The following NFE2L1 variants were observed in gnomAD, a reference collection of about 807,000 sequenced individuals.
The protein encoded by NFE2L1 is NFE2 like bZIP transcription factor 1, also known as endoplasmic reticulum membrane sensor NFE2L1.
A neutral mutation model predicts 61.6 loss-of-function variants in NFE2L1; 18 were observed. The observed-to-expected ratio is 0.29, with a 90% CI of 0.20 to 0.43. NFE2L1 has a LOEUF of 0.43. NFE2L1 is among the 20% of genes least tolerant of loss of function. NFE2L1 has a pLI of 1.00. For synonymous variants in NFE2L1, 419 were observed against 402.7 expected (o/e 1.04, Z -0.48); for missense variants, 827 against 973.5 (o/e 0.85, Z 2.00).
chr17:48,056,145 G>C lies in NFE2L1; in HGVS notation c.511-241G>C, dbSNP rs1408840628. ...TCCTAATCCTTTGCACCCTTATGGT[G>C]ATAGTCACACTAATGGTTTTGCTAG... On this transcript the variant is annotated intron_variant, in intron 2 of 5. Coordinates refer to ENST00000362042, the MANE Select transcript of NFE2L1 (RefSeq NM_003204.3). The C allele has an allele frequency of 5.2e-6, 3 of 578,154 alleles. No homozygotes were observed. In the African/African-American group the frequency reaches 5.6e-5, roughly 11 times the overall value. 35.8% of individuals were successfully genotyped at this position (578,154 alleles called of 1,614,324 possible).
chr17:48,057,020 C>G lies in NFE2L1; in HGVS notation c.724-12C>G. The G allele has an allele frequency of 6.2e-7, 1 of 1,613,942 alleles. No individual in the cohort carries two copies. On this transcript the variant is annotated splice_polypyrimidine_tract_variant and intron_variant, in intron 3 of 5. Coordinates refer to ENST00000362042, the MANE Select transcript of NFE2L1 (RefSeq NM_003204.3). ...CCCAGGTCAATCAGACTTACAGTTC[C>G]TGTTGCCACAGGTGCCTAGTGGGGA...
In NFE2L1 at chr17:48,058,957, G is replaced by T. The variant is rs763930375; in HGVS notation, c.1635G>T (p.Gln545His). Residue 545 changes from glutamine to histidine, a missense_variant, in exon 6 of 6, where the codon CAG (glutamine) becomes CAT (histidine). Coordinates refer to ENST00000362042, the MANE Select transcript of NFE2L1 (RefSeq NM_003204.3). ...LEEAEGAVGY[Q>H]PEYSKFCRMS... ...AGGCCGAGGGTGCTGTGGGCTACCA[G>T]CCTGAGTATTCCAAGTTCTGCCGCA... is the stretch of plus-strand genomic sequence containing the variant. 77 of 1,613,928 alleles carry T rather than the reference G, an allele frequency of 4.8e-5. No individual in the cohort carries two copies. Among genetic ancestry groups the T allele is most frequent in the Non-Finnish European group, 6.2e-5 (73 of 1,180,040 alleles).
chr17:48,057,660 G>A (rs759095879), intron 5 of NFE2L1, among the ~76,000 whole-genome samples, 158 bp downstream of exon 5: 1 of 152,212 alleles, frequency 6.6e-6, no homozygotes, highest in African/African-American at 2.4e-5. Context: ...GTGTGTCCTT[G>A]GGGCAATGGG....
chr17:48,051,449 G>A lies in NFE2L1; in HGVS notation c.331G>A (p.Gly111Arg), dbSNP rs1272224608. 1 of 1,614,190 alleles carries A rather than the reference G, an allele frequency of 6.2e-7. No individual in the cohort carries two copies. Among genetic ancestry groups the A allele is most frequent in the Non-Finnish European group, 8.5e-7 (1 of 1,180,030 alleles). The stretch of plus-strand genomic sequence containing the variant: ...CTGGCTGGTTCACCGAGACCCAGAG[G>A]GGTCTGTCTCTGGCAGTCAGCCCAA... Reference protein sequence around the residue: ...NAWLVHRDPEGSVSGSQPNSG... With the variant: ...NAWLVHRDPERSVSGSQPNSG... Residue 111 changes from glycine to arginine, a missense_variant, in exon 2 of 6, where the codon GGG becomes AGG. By Grantham distance (125) the Gly-to-Arg change is moderately radical (BLOSUM62 -2). Coordinates refer to ENST00000362042, the MANE Select transcript of NFE2L1 (RefSeq NM_003204.3).
rs2037247405 is a variant in NFE2L1, at chr17:48,051,437, C to G, written c.319C>G (p.Arg107Gly). 3.1e-6 allele frequency: 5 copies of G among 1,614,190 alleles called. No individual in the cohort carries two copies. Among genetic ancestry groups the G allele is most frequent in the African/African-American group, 2.7e-5 (2 of 75,058 alleles). Reference sequence around the variant, plus strand: ...TGAGGTAAATGCCTGGCTGGTTCACCGAGACCCAGAGGGGTCTGTCTCTGG... The same window carrying G: ...TGAGGTAAATGCCTGGCTGGTTCACGGAGACCCAGAGGGGTCTGTCTCTGG... ...TTEVNAWLVH[R>G]DPEGSVSGSQ... The change falls in exon 2 of 6, where the codon CGA (arginine) becomes GGA (glycine). Residue 107 changes from arginine to glycine, a missense_variant. Arg to Gly is a moderately radical substitution (Grantham distance 125). Around this residue, in one of 3 missense-constraint regions of NFE2L1, gnomAD observed 667 missense variants for 748.4 expected, o/e 0.89. Transcript: ENST00000362042.
rs374349714 is a variant in NFE2L1 at position 48,048,941 on chromosome 17, C to T, written c.-513+479C>T. On this transcript the variant is annotated intron_variant, in intron 1 of 5. Transcript: ENST00000362042. ...GATTTTTAAGGGACTTTGTCCGGTTCCTCGAACTTAATTGGCTCCTGGGAG... is the reference window on the plus strand; with the variant it reads ...GATTTTTAAGGGACTTTGTCCGGTTTCTCGAACTTAATTGGCTCCTGGGAG... 2.0e-5 allele frequency: 3 copies of T among 152,708 alleles called. No homozygotes were observed. In the East Asian group the frequency reaches 5.8e-4, roughly 30 times the overall value. The allele number at this position is 152,708 out of a possible 1,614,324, so 9.5% of individuals were successfully genotyped here.
intron 1 of NFE2L1, among the ~76,000 whole-genome samples, chr17:48,049,802 C>T (rs537988586): frequency 6.6e-6 from 1 of 152,334 alleles, no homozygotes; most frequent in Admixed American, 6.5e-5. Flanking sequence ...GTCCTTTTGT[C>T]CTTCCACACT....
intron 2 of NFE2L1, among the ~76,000 whole-genome samples, chr17:48,051,928 G>T (rs113822779): frequency 6.6e-6 from 1 of 152,132 alleles, no homozygotes; most frequent in East Asian, 1.9e-4. Flanking sequence ...GGCCTGGGGT[G>T]GGGGAGGAGT....
In NFE2L1 at chr17:48,058,891, G is replaced by A. The variant is rs199926313; in HGVS notation, c.1569G>A (p.Ala523=). Residue 523 remains alanine (A), a synonymous_variant, in exon 6 of 6, where the codon GCG becomes GCA. Transcript: ENST00000362042. ...CTTCCTCCTTTTCTGAGGAAGGTGC[G>A]GTTGGCTACAGCTCTGACTCTGAGA... ...SASSSFSEEG[A]VGYSSDSETL... 16 of 1,613,684 alleles carry A rather than the reference G, an allele frequency of 9.9e-6. No homozygotes were observed. Among genetic ancestry groups the A allele is most frequent in the African/African-American group, 1.3e-5 (1 of 74,960 alleles).
intron 2 of NFE2L1, chr17:48,055,080 T>C (rs1598286275): frequency 6.8e-7 from 1 of 1,479,466 alleles, no homozygotes; most frequent in Admixed American, 2.3e-5. Flanking sequence ...AGCCGGCCCC[T>C]TAACTCTTTG....
chr17:48,054,648 T>G (rs1304130225), intron 2 of NFE2L1: 21 of 884,256 alleles, frequency 2.4e-5, no homozygotes, highest in East Asian at 8.7e-5. Flanking sequence ...GGTAACAAGT[T>G]TGGGGGGCGT....
chr17:48,057,955 C>T (rs2037445363), intron 5 of NFE2L1, among the ~76,000 whole-genome samples: 1 of 152,214 alleles, frequency 6.6e-6, no homozygotes, highest in East Asian at 1.9e-4. Flanking sequence ...GCAAGTGGTG[C>T]AGCTAGGTTT....
In NFE2L1 at chr17:48,058,558, C is replaced by T. The variant is rs1567755824; in HGVS notation, c.1236C>T (p.Asn412=). Residue 412 remains asparagine, a synonymous_variant, in exon 6 of 6, where the codon AAC becomes AAT. Coordinates refer to ENST00000362042, the MANE Select transcript of NFE2L1 (RefSeq NM_003204.3). ...TCAACTCCACCTTCGGCTCCACCAA[C>T]CTGACAGGGCTCTTCTTTCCACCCC... ...TSLNSTFGST[N]LTGLFFPPQL... is the part of the protein sequence containing the mutation. 4 of 1,613,714 alleles carry T rather than the reference C, an allele frequency of 2.5e-6. No homozygotes were observed. The highest frequency in any genetic ancestry group is 1.3e-5 in the African/African-American group (1 of 75,058).
chr17:48,056,346 T>C, intron 2 of NFE2L1, 40 bp from the exon 3 acceptor site: 1 of 1,612,048 alleles, frequency 6.2e-7, no homozygotes, highest in Non-Finnish European at 8.5e-7. Context: ...GGAAGGGACC[T>C]TGGGATCTTA....
In NFE2L1 at chr17:48,059,516, C is replaced by T. The variant is rs777595442; in HGVS notation, c.2194C>T (p.Pro732Ser). ...GCGGCTGCGAGATGAGAACGGACGA[C>T]CCTACTCGCCCAGTCAGTATGCGCT... ...FGRLRDENGR[P>S]YSPSQYALQY... The change falls in exon 6 of 6, where the codon CCC (proline) becomes TCC (serine). Residue 732 changes from proline (P) to serine (S), a missense_variant. By Grantham distance (74) the Pro-to-Ser change is moderately conservative (BLOSUM62 -1). This residue lies in a region of NFE2L1 where 86 missense variants were observed against 97.3 expected (regional missense o/e 0.88). Coordinates refer to ENST00000362042, the MANE Select transcript of NFE2L1 (RefSeq NM_003204.3). This position sits in a 1 kb window ranked among gnomAD's most constrained non-coding sequence, Gnocchi z 6.1. 1 of 1,613,970 alleles carries T rather than the reference C, an allele frequency of 6.2e-7. No homozygotes were observed. Among genetic ancestry groups the T allele is most frequent in the Non-Finnish European group, 8.5e-7 (1 of 1,179,910 alleles).
At position 48,051,638 on chromosome 17, in the gene NFE2L1, C is replaced by G. The variant is rs1302944420; in HGVS notation, c.510+10C>G. ...AGACTTAACCAAAGAGGTTAGTGGACCTGTGGTGGGTGTGTGGGGCCTGGG... is the reference window on the plus strand; with the variant it reads ...AGACTTAACCAAAGAGGTTAGTGGAGCTGTGGTGGGTGTGTGGGGCCTGGG... On this transcript the variant is annotated intron_variant, in intron 2 of 5. Transcript: ENST00000362042. 1 of 1,603,672 alleles carries G rather than the reference C, an allele frequency of 6.2e-7. No individual in the cohort carries two copies. Among genetic ancestry groups the G allele is most frequent in the African/African-American group, 1.3e-5 (1 of 74,670 alleles).
chr17:48,059,864 G>T lies in NFE2L1; in HGVS notation c.*223G>T. 1.7e-6 allele frequency: 1 copy of T among 594,802 alleles called. No individual in the cohort carries two copies. Among genetic ancestry groups the T allele is most frequent in the South Asian group, 2.9e-5 (1 of 34,140 alleles). 36.8% of individuals were successfully genotyped at this position (594,802 alleles called of 1,614,324 possible). A position where few individuals can be genotyped will look rare whatever the true frequency, so the allele number is the denominator to read the frequency against. On this transcript the variant is annotated 3_prime_UTR_variant, in exon 6 of 6. Transcript: ENST00000362042. The surrounding 1 kb of genome is among the most constrained non-coding windows in gnomAD (Gnocchi z 6.1). ...TGGCCAGACCATTTAGACGGACAGGGTCCTCACCCTACCCCTTTCCTGTGA... is the reference window on the plus strand; with the variant it reads ...TGGCCAGACCATTTAGACGGACAGGTTCCTCACCCTACCCCTTTCCTGTGA...
At chr17:48,054,346 C>G (rs955462056) in intron 2 of NFE2L1, 2 of 171,084 alleles carry the variant, frequency 1.2e-5, no homozygotes, top group African/African-American at 4.7e-5. Context: ...GGAGGCGGCC[C>G]AGGGATGGGC....
rs1298596943 is a variant in NFE2L1 at position 48,060,183 on chromosome 17, G to GA, written c.*542_*543insA. On this transcript the variant is annotated 3_prime_UTR_variant, in exon 6 of 6. Transcript: ENST00000362042. ...GATAAACCCCAATTTTCACCCCGGG[G>GA]GGGGTGGGGTACACAGACACAGGGT... 1 of 152,084 alleles carries GA rather than the reference G, an allele frequency of 6.6e-6. No homozygotes were observed. The highest frequency in any genetic ancestry group is 2.4e-5 in the African/African-American group (1 of 41,328). 9.4% of individuals were successfully genotyped at this position (152,084 alleles called of 1,614,324 possible).
Sources: gnomAD v4.1 joint callset for allele counts (sites outside exome capture counted in the v4.1 genomes callset) on GRCh38, gnomAD v4.1.1 for gene constraint, gnomAD v4.1.1 regional missense constraint, Gnocchi (gnomAD v3.1) non-coding constraint, MANE v1.5 for transcripts, NCBI Gene and HGNC (gene_info 2026-07-23, HGNC 2026-07-21) for gene names.